Variants in INPP5F observed in about 807,000 individuals in gnomAD.
The protein encoded by INPP5F is phosphatidylinositide 4-phosphatase SAC2.
A neutral mutation model predicts 137.2 loss-of-function variants in INPP5F; 97 were observed. That is an observed-to-expected ratio of 0.71 (90% CI 0.60 to 0.84). The LOEUF is 0.84. Among genes scored for constraint, INPP5F ranks in the 40% least tolerant of loss-of-function variants. The pLI is 0.00. For missense variants in INPP5F, 1,271 were observed against 1,371.9 expected, an observed-to-expected ratio of 0.93 and a Z score of 1.16; for synonymous variants, 504 against 476.9, an observed-to-expected ratio of 1.06 and a Z score of -0.74.
Position 119,827,335 on chromosome 10 carries a change from G to A in INPP5F, c.2954G>A (p.Ser985Asn), listed in dbSNP as rs748482793. ...ACCAGATCTGTGTCTCAGCAGGCTA[G>A]TCAGGAAAGAAATCAAATGACCAAT... is the stretch of plus-strand genomic sequence containing the variant. The part of the protein sequence containing the change: ...SETRSVSQQA[S>N]QERNQMTNQV... Residue 985 changes from serine to asparagine, a missense_variant, in exon 20 of 20, where the codon AGT (serine) becomes AAT (asparagine). Around this residue, in one of 6 missense-constraint regions of INPP5F, gnomAD observed 490 missense variants for 443.7 expected, o/e 1.10. Transcript: ENST00000650623. 1 of 1,614,208 alleles carries A rather than the reference G, an allele frequency of 6.2e-7. No homozygotes were observed. The highest frequency in any genetic ancestry group is 8.5e-7 in the Non-Finnish European group (1 of 1,180,028).
chr10:119,823,594 C>T (rs1418529864), intron 18 of INPP5F, among the ~76,000 whole-genome samples: 7 of 152,176 alleles, frequency 4.6e-5, no homozygotes, highest in Non-Finnish European at 7.3e-5. Flanking sequence ...CTTTTATTCC[C>T]CGATTTCATT....
intron 1 of INPP5F, among the ~76,000 whole-genome samples, chr10:119,745,038 G>A (rs1848491066): frequency 6.6e-6 from 1 of 151,480 alleles, no homozygotes; most frequent in South Asian, 2.1e-4. Flanking sequence ...TTGACTGGAT[G>A]ATGCATTTAC....
At chr10:119,791,742 G>A (rs951212115) in intron 4 of INPP5F, 97 bp downstream of exon 4, 10 of 1,358,388 alleles carry the variant, frequency 7.4e-6, no homozygotes, top group African/African-American at 1.5e-5. Flanking sequence ...TAAACCATTT[G>A]TTGTATTGAA....
chr10:119,805,308 A>T, intron 10 of INPP5F, 76 bp from the exon 11 acceptor site: 1 of 1,114,916 alleles, frequency 9.0e-7, no homozygotes, highest in Non-Finnish European at 1.3e-6. Flanking sequence ...AAGCTACATT[A>T]AATAGCATAT....
At chr10:119,765,542 T>C (rs954427306) in intron 2 of INPP5F, among the ~76,000 whole-genome samples, 1 of 137,584 alleles carries the variant, frequency 7.3e-6, no homozygotes, top group African/African-American at 2.7e-5. Context: ...TGGCTAATTT[T>C]TGTATTTTTT....
intron 15 of INPP5F, chr10:119,819,560 C>T (rs771863974): frequency 3.8e-6 from 6 of 1,581,480 alleles, no homozygotes; most frequent in Non-Finnish European, 5.2e-6. Context: ...ACGCGTAAAA[C>T]TTAACATTTT....
At chr10:119,745,989 A>G (rs2134117259) in intron 1 of INPP5F, among the ~76,000 whole-genome samples, 1 of 152,262 alleles carries the variant, frequency 6.6e-6, no homozygotes, top group South Asian at 2.1e-4. Flanking sequence ...TGTGTGAGCC[A>G]CCGTGCCCGA....
intron 2 of INPP5F, among the ~76,000 whole-genome samples, chr10:119,762,020 C>T (rs1296762650): frequency 6.6e-6 from 1 of 152,132 alleles, no homozygotes; most frequent in African/African-American, 2.4e-5. Context: ...AAGTTGGCCC[C>T]GTAGAACCTC....
Position 119,751,166 on chromosome 10 carries a change from T to C in INPP5F, c.178+10T>C. 6.6e-7 allele frequency: 1 copy of C among 1,511,004 alleles called. No individual in the cohort carries two copies. Among genetic ancestry groups the C allele is most frequent in the Non-Finnish European group, 9.2e-7 (1 of 1,086,032 alleles). The allele number at this position is 1,511,004 out of a possible 1,614,324, so 93.6% of individuals were successfully genotyped here. A position where few individuals can be genotyped will look rare whatever the true frequency, so the allele number is the denominator to read the frequency against. On this transcript the variant is annotated intron_variant, in intron 2 of 19. Transcript: ENST00000650623. ...ATTCAACTTCATTCAGGTATGTTTC[T>C]ATAAACTCCTTAAACTTGTCAAATT...
intron 15 of INPP5F, among the ~76,000 whole-genome samples, chr10:119,814,934 C>T (rs1189764513): frequency 2.6e-5 from 4 of 152,020 alleles, no homozygotes; most frequent in Non-Finnish European, 5.9e-5. Context: ...GGCGCGATCT[C>T]GGCTCACTGC....
At chr10:119,726,428 CCCTCAGCCGGGCGGGAGGAG>C (rs1805435467) in intron 1 of INPP5F, 69 bp downstream of exon 1, 1 of 953,656 alleles carries the variant, frequency 1.0e-6, no homozygotes, top group African/African-American at 1.7e-5. Context: ...GCGGCCGGAC[CCCTCAGCCGGGCGGGAGGAG>C]CCGCCTGCGG....
Position 119,827,443 on chromosome 10 carries a change from C to G in INPP5F, c.3062C>G (p.Thr1021Arg). 6.2e-7 allele frequency: 1 copy of G among 1,614,200 alleles called. No homozygotes were observed. The highest frequency in any genetic ancestry group is 8.5e-7 in the Non-Finnish European group (1 of 1,180,036). Residue 1021 changes from threonine to arginine, a missense_variant, in exon 20 of 20, where the codon ACA becomes AGA. Transcript: ENST00000650623. ...CAATTAGATGTCTCTCTTTCTGCAA[C>G]AGGCCCACAGTTTTTGTCAGTTGAG... The part of the protein sequence containing the change: ...PSQLDVSLSA[T>R]GPQFLSVEPA...
chr10:119,795,494 G>A (rs1259660253), intron 6 of INPP5F, among the ~76,000 whole-genome samples: 1 of 151,756 alleles, frequency 6.6e-6, no homozygotes, highest in African/African-American at 2.4e-5. Flanking sequence ...GCCGGGCAGA[G>A]ACGCTCCTCA....
intron 1 of INPP5F, 118 bp downstream of exon 1, chr10:119,726,477 G>A: frequency 2.2e-6 from 1 of 445,928 alleles, no homozygotes; most frequent in Non-Finnish European, 3.4e-6. Context: ...AGGCGGGGCG[G>A]GGCGGGCTGC....
rs79536875 is a variant in INPP5F at position 119,763,540 on chromosome 10, C to T, written c.178+12384C>T. Among the ~76,000 whole-genome samples, 216 of 152,308 alleles carry T rather than the reference C, an allele frequency of 1.4e-3. 5 individuals carry two copies. In the East Asian group the frequency reaches 0.025, roughly 17 times the overall value. ...AAAACCCAGGAAGACTGATAGCCAT[C>T]CTTCATTCCTTCCCAGTTCATTCCC... On this transcript the variant is annotated intron_variant, in intron 2 of 19. Coordinates refer to ENST00000650623, the MANE Select transcript of INPP5F (RefSeq NM_014937.4).
intron 1 of INPP5F, among the ~76,000 whole-genome samples, chr10:119,728,967 A>T (rs370537183): frequency 6.6e-6 from 1 of 151,986 alleles, no homozygotes; most frequent in Non-Finnish European, 1.5e-5. Flanking sequence ...GGCTGTATTT[A>T]CTCCTCATCT....
At chr10:119,823,276 A>G (rs1589759312) in intron 18 of INPP5F, 77 bp downstream of exon 18, 1 of 1,373,414 alleles carries the variant, frequency 7.3e-7, no homozygotes, top group Non-Finnish European at 1.0e-6. Flanking sequence ...AATTGGGGAC[A>G]TTTCATATCA....
At chr10:119,778,436 TAGTCTCATAA>T (rs1385005987) in intron 2 of INPP5F, among the ~76,000 whole-genome samples, 1 of 152,222 alleles carries the variant, frequency 6.6e-6, no homozygotes, top group Non-Finnish European at 1.5e-5. Flanking sequence ...TTTAATGGTG[TAGTCTCATAA>T]ACTGAAAAAT....
At position 119,742,164 on chromosome 10, in the gene INPP5F, T is replaced by TTTATTTAA. The variant is rs1213746478; in HGVS notation, c.98-8906_98-8905insAATTATTT. Among the ~76,000 whole-genome samples the TTTATTTAA allele has an allele frequency of 2.4e-4, 36 of 150,678 alleles. No individual in the cohort carries two copies. The East Asian group carries it at 5.3e-3, about 22-fold the overall frequency. On this transcript the variant is annotated intron_variant, in intron 1 of 19. Coordinates refer to ENST00000650623, the MANE Select transcript of INPP5F (RefSeq NM_014937.4). ...ATTTGTTATTTTACTTATTTATTTA[T>TTTATTTAA]TTATTTTTTGAGACAGAGTCTCGCT...
Sources: allele counts gnomAD v4.1 joint callset (sites outside exome capture counted in the v4.1 genomes callset), GRCh38; gene constraint gnomAD v4.1.1; regional missense constraint gnomAD v4.1.1; transcripts MANE v1.5; gene names NCBI Gene and HGNC (gene_info 2026-07-23, HGNC 2026-07-21).